DLC1: variants seen among roughly 807,000 people sequenced by gnomAD.
DLC1 encodes the protein DLC1 Rho GTPase activating protein.
DLC1 carries 54 observed loss-of-function variants against 140.3 expected under a neutral mutation model. The ratio of observed to expected loss-of-function variants is 0.38; its 90% confidence interval spans 0.31 to 0.48. The LOEUF is 0.48. DLC1 is among the 20% of genes least tolerant of loss of function. The pLI is 0.96. For synonymous variants in DLC1, 986 were observed against 728.1 expected (o/e 1.35, Z -5.70); for missense variants, 2,536 against 1,907.0 (o/e 1.33, Z -6.14).
intron 4 of DLC1, among the ~76,000 whole-genome samples, chr8:13,365,958 G>A (rs1032413755): frequency 6.6e-6 from 1 of 152,132 alleles, no homozygotes; most frequent in African/African-American, 2.4e-5. Flanking sequence ...GCAAAGAGAG[G>A]GGAAAATGTA....
intron 1 of DLC1, among the ~76,000 whole-genome samples, chr8:13,538,875 G>A (rs1245786997): frequency 6.6e-6 from 1 of 152,182 alleles, no homozygotes; most frequent in Non-Finnish European, 1.5e-5. Context: ...TCGGCAGATA[G>A]TAATGTCGTA....
rs374338397 is a variant in DLC1, at chr8:13,231,249, A to G, written c.1348+74020T>C. ...AAAAAAAATCAAGTGCGGGATTTTC[A>G]TTCTTCTTAACTGATGGAAACGATT... On this transcript the variant is annotated intron_variant, in intron 5 of 17. Coordinates refer to ENST00000276297, the MANE Select transcript of DLC1 (RefSeq NM_182643.3). Among the ~76,000 whole-genome samples the G allele has an allele frequency of 6.6e-5, 10 of 152,030 alleles. No individual in the cohort carries two copies. In the South Asian group the frequency reaches 1.5e-3, roughly 22 times the overall value.
chr8:13,451,444 G>A (rs1436445005), intron 2 of DLC1, among the ~76,000 whole-genome samples: 1 of 152,090 alleles, frequency 6.6e-6, no homozygotes, highest in African/African-American at 2.4e-5. Flanking sequence ...TCCCTGTTGT[G>A]CTATGAAATA....
chr8:13,522,943 G>T lies in DLC1; in HGVS notation c.-125-22747C>A, dbSNP rs908700804. Among the ~76,000 whole-genome samples, 5 of 152,202 alleles carry T rather than the reference G, an allele frequency of 3.3e-5. No individual in the cohort carries two copies. The East Asian group carries it at 7.7e-4, about 24-fold the overall frequency. ...ACAGTCCTAAGGAAGCGTGTGCCTG[G>T]CAGTTTCCAGAAATAGCAAGGAATT... On this transcript the variant is annotated intron_variant, in intron 1 of 1. Transcript: ENST00000631382.
At chr8:13,597,943 G>A (rs1805736875) in intron 1 of DLC1, among the ~76,000 whole-genome samples, 1 of 152,050 alleles carries the variant, frequency 6.6e-6, no homozygotes, top group South Asian at 2.1e-4. Context: ...ATGGGATGCA[G>A]ATGTGAATAA....
At chr8:13,516,275 A>G (rs1802582926), upstream of DLC1, among the ~76,000 whole-genome samples, 1 of 152,222 alleles carries the variant, frequency 6.6e-6, no homozygotes, top group South Asian at 2.1e-4. Flanking sequence ...TGGATGTGAT[A>G]AAATGAGTAA....
At chr8:13,182,753 G>A (rs550521175) in intron 5 of DLC1, among the ~76,000 whole-genome samples, 4 of 152,260 alleles carry the variant, frequency 2.6e-5, no homozygotes, top group South Asian at 2.1e-4. Context: ...GTCAGGCAGC[G>A]TGATGCCTCC....
intron 2 of DLC1, among the ~76,000 whole-genome samples, chr8:13,453,460 G>GTGTATATATATACATATATATATGTA (rs1799221554): frequency 4.3e-5 from 1 of 23,206 alleles, no homozygotes; most frequent in African/African-American, 2.4e-4. Flanking sequence ...ATATATATAT[G>GTGTATATATATACATATATATATGTA]TATATATATA....
At chr8:13,429,216 C>A (rs1263747534) in intron 2 of DLC1, among the ~76,000 whole-genome samples, 1 of 152,126 alleles carries the variant, frequency 6.6e-6, no homozygotes, top group East Asian at 1.9e-4. Flanking sequence ...TTCTCCAAGG[C>A]CTACCAAATC....
At chr8:13,597,371 G>T (rs1005378708) in intron 1 of DLC1, among the ~76,000 whole-genome samples, 5 of 152,010 alleles carry the variant, frequency 3.3e-5, no homozygotes, top group African/African-American at 1.2e-4. Context: ...ACAACAGTTT[G>T]CCATCTAATC....
At chr8:13,111,552 A>G (rs76872681) in intron 6 of DLC1, among the ~76,000 whole-genome samples, 6 of 152,320 alleles carry the variant, frequency 3.9e-5, no homozygotes, top group Non-Finnish European at 7.3e-5. Context: ...AGTCGACTCA[A>G]TGGAGGAATT....
intron 4 of DLC1, among the ~76,000 whole-genome samples, chr8:13,365,340 A>G (rs540603372): frequency 6.6e-6 from 1 of 152,296 alleles, no homozygotes; most frequent in South Asian, 2.1e-4. Context: ...CGTGGAGCTG[A>G]TCCACGCCTT....
chr8:13,448,369 C>CTTCTTCTTCTT (rs760341572), intron 2 of DLC1, among the ~76,000 whole-genome samples: 3 of 143,842 alleles, frequency 2.1e-5, no homozygotes, highest in African/African-American at 7.7e-5. Flanking sequence ...TCTTCTTCTT[C>CTTCTTCTTCTT]TTTTTTTTTT....
At chr8:13,401,654 A>G in intron 2 of DLC1, 35 bp from the exon 3 acceptor site, 1 of 1,592,578 alleles carries the variant, frequency 6.3e-7, no homozygotes, top group Non-Finnish European at 8.6e-7. Flanking sequence ...TGAATCTGAA[A>G]GGCCATTTCT....
intron 1 of DLC1, among the ~76,000 whole-genome samples, chr8:13,500,648 C>T (rs952701592): frequency 1.3e-5 from 2 of 151,842 alleles, no homozygotes; most frequent in Admixed American, 1.3e-4. Context: ...ACTGTTCATG[C>T]AAAACTTGAG....
chr8:13,268,006 C>G (rs1003220220), intron 5 of DLC1, among the ~76,000 whole-genome samples: 1 of 152,068 alleles, frequency 6.6e-6, no homozygotes, highest in African/African-American at 2.4e-5. Flanking sequence ...TCAACAATGA[C>G]TTAGGACAAT....
intron 2 of DLC1, among the ~76,000 whole-genome samples, chr8:13,446,890 T>G (rs570910461): frequency 1.0e-4 from 15 of 150,472 alleles, no homozygotes; most frequent in Non-Finnish European, 1.8e-4. Flanking sequence ...TGCAGTGAGC[T>G]GAGATCGCGC....
At chr8:13,375,811 C>T (rs932536771) in intron 4 of DLC1, among the ~76,000 whole-genome samples, 1 of 151,984 alleles carries the variant, frequency 6.6e-6, no homozygotes, top group Non-Finnish European at 1.5e-5. Context: ...CAAAGAAGAA[C>T]ATAAACTACA....
In DLC1 at chr8:13,475,590, T is replaced by A. The variant is rs191116686; in HGVS notation, c.1023+23459A>T. 9.8e-5 allele frequency among the ~76,000 whole-genome samples: 15 copies of A among 152,310 alleles called. No individual in the cohort carries two copies. The East Asian group carries it at 2.7e-3, about 27-fold the overall frequency. ...AAATATAGATTATAAACAGTAGTAG[T>A]TTCACAACGAAAAGAAAGACATAAC... On this transcript the variant is annotated intron_variant, in intron 2 of 17. Coordinates refer to ENST00000276297, the MANE Select transcript of DLC1 (RefSeq NM_182643.3).
Sources: allele counts gnomAD v4.1 joint callset (sites outside exome capture counted in the v4.1 genomes callset), GRCh38; gene constraint gnomAD v4.1.1; transcripts MANE v1.5; gene names NCBI Gene and HGNC (gene_info 2026-07-23, HGNC 2026-07-21).